SUGCT: variants seen among roughly 807,000 people sequenced by gnomAD.
The protein encoded by SUGCT is succinyl-CoA:glutarate CoA-transferase.
SUGCT carries 41 observed loss-of-function variants against 55.0 expected under a neutral mutation model. The observed-to-expected ratio is 0.74, with a 90% CI of 0.58 to 0.97. The LOEUF is 0.97. SUGCT is among the 50% of genes least tolerant of loss of function. The pLI is 0.00. For missense variants in SUGCT, 568 were observed against 547.8 expected (o/e 1.04, Z -0.37); for synonymous variants, 187 against 200.4 (o/e 0.93, Z 0.56).
At chr7:40,368,831 T>G (rs1784142162) in intron 9 of SUGCT, among the ~76,000 whole-genome samples, 1 of 152,098 alleles carries the variant, frequency 6.6e-6, no homozygotes, top group African/African-American at 2.4e-5. Flanking sequence ...TGGCTGGGTG[T>G]GGTGGCTGAC....
intron 6 of SUGCT, among the ~76,000 whole-genome samples, chr7:40,224,399 CGTGTGTGTGT>C (rs61318990): frequency 9.6e-5 from 14 of 145,478 alleles, no homozygotes; most frequent in African/African-American, 3.3e-4. Flanking sequence ...ATAATCTGTG[CGTGTGTGTGT>C]GTGTGTGTGT....
At position 40,316,224 on chromosome 7, in the gene SUGCT, GGCAGAATGTAA is replaced by G. The variant is rs1328306368; in HGVS notation, c.721-535_721-525del. On this transcript the variant is annotated intron_variant, in intron 8 of 13. Coordinates refer to ENST00000335693, the MANE Select transcript of SUGCT (RefSeq NM_001193313.2). Reference sequence around the variant, plus strand: ...TGATCTTTTCTGTCAGAATGCTTTGGGCAGAATGTAACAGAAAACCTGGCTAAACTGACTTA... The same window carrying G: ...TGATCTTTTCTGTCAGAATGCTTTGGCAGAAAACCTGGCTAAACTGACTTA... Among the ~76,000 whole-genome samples, 9 of 152,154 alleles carry G rather than the reference GGCAGAATGTAA, an allele frequency of 5.9e-5. No individual in the cohort carries two copies. The South Asian group carries it at 1.5e-3, about 25-fold the overall frequency.
At chr7:40,701,852 C>G (rs971719345) in intron 12 of SUGCT, among the ~76,000 whole-genome samples, 1 of 152,168 alleles carries the variant, frequency 6.6e-6, no homozygotes, top group East Asian at 1.9e-4. Flanking sequence ...CTTATGTGGC[C>G]TAGAGCCAGA....
intron 1 of SUGCT, among the ~76,000 whole-genome samples, chr7:40,146,418 G>C (rs1402202987): frequency 6.6e-6 from 1 of 152,338 alleles, no homozygotes; most frequent in South Asian, 2.1e-4. Flanking sequence ...GAAATATAGA[G>C]TGTGGAGTGG....
At chr7:40,314,904 T>C (rs1320613798) in intron 8 of SUGCT, among the ~76,000 whole-genome samples, 1 of 152,110 alleles carries the variant, frequency 6.6e-6, no homozygotes, top group Non-Finnish European at 1.5e-5. Context: ...AGAGGAATAA[T>C]AGAGCCCGAA....
intron 9 of SUGCT, among the ~76,000 whole-genome samples, chr7:40,341,911 G>A (rs1013293338): frequency 1.3e-5 from 2 of 152,140 alleles, no homozygotes; most frequent in Non-Finnish European, 2.9e-5. Flanking sequence ...TAAAAAAAAA[G>A]AATGGGGTAT....
chr7:40,148,618 T>G (rs923772570), intron 1 of SUGCT, among the ~76,000 whole-genome samples: 14 of 152,276 alleles, frequency 9.2e-5, no homozygotes, highest in African/African-American at 3.1e-4. Flanking sequence ...CACTCCAGCC[T>G]GGGCAACAAG....
At chr7:40,826,440 A>G (rs1463793467) in intron 13 of SUGCT, among the ~76,000 whole-genome samples, 2 of 152,224 alleles carry the variant, frequency 1.3e-5, no homozygotes, top group Admixed American at 6.5e-5. Context: ...CTAGAAAGAA[A>G]TCTGCACAAT....
At chr7:40,228,279 G>A (rs1473447827) in intron 6 of SUGCT, among the ~76,000 whole-genome samples, 1 of 151,882 alleles carries the variant, frequency 6.6e-6, no homozygotes, top group African/African-American at 2.4e-5. Flanking sequence ...TTGTTTAGTT[G>A]GTAATTTGAA....
chr7:40,702,902 G>T (rs565068271), intron 12 of SUGCT, among the ~76,000 whole-genome samples: 3 of 152,088 alleles, frequency 2.0e-5, no homozygotes, highest in South Asian at 2.1e-4. Flanking sequence ...CCCACAAAGC[G>T]TGCAAGAATA....
chr7:40,668,536 A>G (rs1416439285), intron 12 of SUGCT, among the ~76,000 whole-genome samples: 1 of 152,154 alleles, frequency 6.6e-6, no homozygotes, highest in African/African-American at 2.4e-5. Flanking sequence ...ACTTTTCTCT[A>G]TTCCTTCTGC....
chr7:40,249,517 A>G (rs1392098345), intron 7 of SUGCT, among the ~76,000 whole-genome samples: 1 of 149,786 alleles, frequency 6.7e-6, no homozygotes, highest in Non-Finnish European at 1.5e-5. Context: ...TATAGAAATT[A>G]TGGGTTCTTA....
intron 9 of SUGCT, among the ~76,000 whole-genome samples, chr7:40,335,929 C>G (rs1022010788): frequency 1.3e-5 from 2 of 152,074 alleles, no homozygotes; most frequent in East Asian, 3.8e-4. Context: ...CCCATCAATA[C>G]CTAATTTATT....
intron 13 of SUGCT, among the ~76,000 whole-genome samples, chr7:40,854,416 T>C (rs868155096): frequency 0.033 from 1,942 of 58,410 alleles, 56 homozygotes; most frequent in African/African-American, 0.1. Flanking sequence ...TCTTTCTTTC[T>C]TTCCTTTCTT....
intron 11 of SUGCT, among the ~76,000 whole-genome samples, chr7:40,473,658 T>C (rs1188748861): frequency 6.6e-6 from 1 of 152,106 alleles, no homozygotes; most frequent in Admixed American, 6.6e-5. Flanking sequence ...AATGGTGGCA[T>C]GATTTAACCA....
At chr7:40,948,625 C>A in the SUGCT span, among the ~76,000 whole-genome samples, 1 of 151,144 alleles carries the variant, frequency 6.6e-6, no homozygotes, top group Non-Finnish European at 1.5e-5. Flanking sequence ...CGCCGACAGG[C>A]CCCAGTGTGT....
At chr7:40,152,355 A>T (rs1183966156) in intron 1 of SUGCT, 1 of 152,304 alleles carries the variant, frequency 6.6e-6, no homozygotes, top group African/African-American at 2.4e-5. Flanking sequence ...ACCAAGATGG[A>T]GTTGGTTAGG....
At chr7:40,212,731 C>G (rs1046381060) in intron 6 of SUGCT, among the ~76,000 whole-genome samples, 2 of 152,118 alleles carry the variant, frequency 1.3e-5, no homozygotes, top group Admixed American at 1.3e-4. Flanking sequence ...GACAGGGTTT[C>G]ACCATGTTGG....
At chr7:40,653,115 C>T (rs1383135868) in intron 12 of SUGCT, among the ~76,000 whole-genome samples, 1 of 152,198 alleles carries the variant, frequency 6.6e-6, no homozygotes, top group African/African-American at 2.4e-5. Flanking sequence ...GGGCACCATG[C>T]ATAAGTTAGT....
Sources: allele counts gnomAD v4.1 joint callset (sites outside exome capture counted in the v4.1 genomes callset), GRCh38; gene constraint gnomAD v4.1.1; transcripts MANE v1.5; gene names NCBI Gene and HGNC (gene_info 2026-07-23, HGNC 2026-07-21).